Variants in DDHD1 observed in about 807,000 individuals in gnomAD.
DDHD1 encodes the protein phospholipase DDHD1.
Under a neutral mutation model 96.4 loss-of-function variants are expected in DDHD1, and 49 were observed. The ratio of observed to expected loss-of-function variants is 0.51; its 90% confidence interval spans 0.40 to 0.64. DDHD1 has a LOEUF of 0.64. DDHD1 is among the 30% of genes least tolerant of loss of function. DDHD1 has a pLI of 0.00. For synonymous variants in DDHD1, 442 were observed against 446.5 expected, an observed-to-expected ratio of 0.99 and a Z score of 0.13; for missense variants, 1,106 against 1,161.2, an observed-to-expected ratio of 0.95 and a Z score of 0.69.
rs552567464 is a variant in DDHD1, at chr14:53,065,701, A to T, written c.1504-2496T>A. Among the ~76,000 whole-genome samples the T allele has an allele frequency of 3.3e-5, 5 of 152,306 alleles. No homozygotes were observed. In the East Asian group the frequency reaches 9.6e-4, roughly 29 times the overall value. On this transcript the variant is annotated intron_variant, in intron 6 of 12. Coordinates refer to ENST00000673822, the MANE Select transcript of DDHD1 (RefSeq NM_001160148.2). Reference sequence around the variant, plus strand: ...AGAGTTAAAAGGGACCTCAGCAATGATCTAATTTAAACTGCTGTGAAGGTA... The same window carrying T: ...AGAGTTAAAAGGGACCTCAGCAATGTTCTAATTTAAACTGCTGTGAAGGTA...
At chr14:53,086,293 T>C (rs1329490142) in intron 4 of DDHD1, among the ~76,000 whole-genome samples, 2 of 151,966 alleles carry the variant, frequency 1.3e-5, no homozygotes, top group Non-Finnish European at 2.9e-5. Flanking sequence ...ATTCAGGAAA[T>C]ACAGAGAACA....
intron 12 of DDHD1, among the ~76,000 whole-genome samples, chr14:53,049,733 T>A (rs1362571786): frequency 6.6e-6 from 1 of 151,724 alleles, no homozygotes; most frequent in African/African-American, 2.4e-5. Context: ...TGACAGAATT[T>A]CTCTATCCAT....
intron 6 of DDHD1, among the ~76,000 whole-genome samples, chr14:53,067,372 T>G (rs1275872346): frequency 6.6e-6 from 1 of 151,996 alleles, no homozygotes; most frequent in Non-Finnish European, 1.5e-5. Flanking sequence ...TTGGCCAGGC[T>G]GGTCTGAACT....
chr14:53,080,869 C>G (rs1343646496), intron 4 of DDHD1, among the ~76,000 whole-genome samples: 1 of 152,012 alleles, frequency 6.6e-6, no homozygotes, highest in African/African-American at 2.4e-5. Context: ...GTAGCTAGGA[C>G]TATAGGCATG....
rs985290451 is a variant in DDHD1, at chr14:53,040,727, C to T, written c.*6041G>A. ...AAACTGAAGATTCTGAGAAAACTAA[C>T]CTGCTTTGGCTATTGAAAATAAGAG... On this transcript the variant is annotated 3_prime_UTR_variant, in exon 13 of 13. Transcript: ENST00000673822. 1 of 152,056 alleles carries T rather than the reference C, an allele frequency of 6.6e-6. No homozygotes were observed. Among genetic ancestry groups the T allele is most frequent in the Non-Finnish European group, 1.5e-5 (1 of 68,014 alleles). 9.4% of individuals were successfully genotyped at this position (152,056 alleles called of 1,614,324 possible). A position where few individuals can be genotyped will look rare whatever the true frequency, so the allele number is the denominator to read the frequency against.
At position 53,055,874 on chromosome 14, in the gene DDHD1, G is replaced by A. The variant is rs772845212; in HGVS notation, c.2031C>T (p.Ser677=). ...AGTGGATCTGGACAGGTGAAATGTTGCTGTAGTGTTTCAGTATTAATGGTT... is the reference window on the plus strand; with the variant it reads ...AGTGGATCTGGACAGGTGAAATGTTACTGTAGTGTTTCAGTATTAATGGTT... ...RLEPLILKHY[S]NISPVQIHWY... Residue 677 remains serine (S), a synonymous_variant, in exon 10 of 13, where the codon AGC becomes AGT. Coordinates refer to ENST00000673822, the MANE Select transcript of DDHD1 (RefSeq NM_001160148.2). The A allele has an allele frequency of 1.1e-5, 18 of 1,613,290 alleles. No individual in the cohort carries two copies. The highest frequency in any genetic ancestry group is 1.5e-5 in the Non-Finnish European group (18 of 1,179,588).
In DDHD1 at chr14:53,135,308, C is replaced by A. The variant is rs112444845; in HGVS notation, c.838+16953G>T. 7.4e-3 allele frequency among the ~76,000 whole-genome samples: 1,120 copies of A among 152,302 alleles called. 6 individuals carry two copies. The highest frequency in any genetic ancestry group is 0.014 in the Middle Eastern group (4 of 294). ...CACCCTCCCCACCCTTGTGATAATG[C>A]ACTTTGTGATATTCCCCTGCCCTTA... is the stretch of plus-strand genomic sequence containing the variant. On this transcript the variant is annotated intron_variant, in intron 1 of 12. Coordinates refer to ENST00000673822, the MANE Select transcript of DDHD1 (RefSeq NM_001160148.2).
At chr14:53,093,258 A>G in intron 3 of DDHD1, 58 bp downstream of exon 3, 2 of 1,530,596 alleles carry the variant, frequency 1.3e-6, no homozygotes, top group Non-Finnish European at 1.8e-6. Context: ...TATTTTGAAT[A>G]TGAGAGAAAG....
chr14:53,149,640 G>A (rs894635383), intron 1 of DDHD1: 1 of 152,164 alleles, frequency 6.6e-6, no homozygotes, highest in Non-Finnish European at 1.5e-5. Context: ...GACATCCACA[G>A]GATTGTATCT....
intron 1 of DDHD1, among the ~76,000 whole-genome samples, chr14:53,116,768 GCAAGAAAGACAGAAAA>G (rs1465718187): frequency 6.6e-6 from 1 of 152,148 alleles, no homozygotes; most frequent in Admixed American, 6.5e-5. Context: ...ACATCAGAAA[GCAAGAAAGACAGAAAA>G]CCAACATCCT....
chr14:53,059,538 C>T (rs896425555), intron 8 of DDHD1, among the ~76,000 whole-genome samples: 1 of 149,894 alleles, frequency 6.7e-6, no homozygotes, highest in Non-Finnish European at 1.5e-5. Flanking sequence ...AGCCACCGTG[C>T]CCAGCCATAA....
intron 9 of DDHD1, 84 bp downstream of exon 9, chr14:53,058,393 G>T: frequency 6.9e-7 from 1 of 1,459,138 alleles, no homozygotes; most frequent in Non-Finnish European, 9.2e-7. Context: ...GGGATTACAA[G>T]CGTGAGCCAC....
chr14:53,083,560 C>T (rs1400499253), intron 4 of DDHD1, among the ~76,000 whole-genome samples: 4 of 152,090 alleles, frequency 2.6e-5, no homozygotes, highest in Non-Finnish European at 4.4e-5. Flanking sequence ...AGCAAGTTTG[C>T]TAAAATAAGG....
intron 12 of DDHD1, 61 bp downstream of exon 12, chr14:53,051,780 CAGA>C: frequency 2.2e-6 from 3 of 1,333,818 alleles, no homozygotes; most frequent in Admixed American, 4.3e-5. Flanking sequence ...TTTCAATAAG[CAGA>C]AGAACTCTAA....
chr14:53,051,058 T>G (rs1308819962), intron 12 of DDHD1, among the ~76,000 whole-genome samples: 2 of 151,762 alleles, frequency 1.3e-5, no homozygotes, highest in African/African-American at 2.4e-5. Flanking sequence ...GTAAGAGTTT[T>G]TTTTTTTTTT....
intron 4 of DDHD1, 62 bp downstream of exon 4, chr14:53,091,723 A>C: frequency 1.3e-6 from 2 of 1,542,740 alleles, no homozygotes; most frequent in Non-Finnish European, 1.8e-6. Context: ...AATATCTCTT[A>C]TACCCTGGAT....
intron 1 of DDHD1, among the ~76,000 whole-genome samples, chr14:53,148,582 G>A (rs142532464): frequency 0.01 from 1,530 of 152,228 alleles, 32 homozygotes; most frequent in African/African-American, 0.035. Context: ...CAAAGTGCTG[G>A]GATTACAGGC....
At chr14:53,062,128 T>C (rs1475045954) in intron 7 of DDHD1, among the ~76,000 whole-genome samples, 1 of 151,834 alleles carries the variant, frequency 6.6e-6, no homozygotes, top group Admixed American at 6.6e-5. Context: ...AAAATGCTGC[T>C]CCGAGTATTG....
intron 1 of DDHD1, among the ~76,000 whole-genome samples, chr14:53,112,498 A>G (rs1453828165): frequency 6.6e-6 from 1 of 152,194 alleles, no homozygotes; most frequent in Non-Finnish European, 1.5e-5. Flanking sequence ...GCCTTTTCAA[A>G]CAGGTCTTTT....
Sources: allele counts gnomAD v4.1 joint callset (sites outside exome capture counted in the v4.1 genomes callset), GRCh38; gene constraint gnomAD v4.1.1; transcripts MANE v1.5; gene names NCBI Gene and HGNC (gene_info 2026-07-23, HGNC 2026-07-21).